The following AMOTL2 variants were observed in gnomAD, a reference collection of about 807,000 sequenced individuals.
AMOTL2 encodes angiomotin-like protein 2.
A neutral mutation model predicts 78.4 loss-of-function variants in AMOTL2; 33 were observed. The observed-to-expected ratio is 0.42, with a 90% CI of 0.32 to 0.56. AMOTL2 has a LOEUF of 0.56. Among genes scored for constraint, AMOTL2 ranks in the 20% least tolerant of loss-of-function variants. AMOTL2 has a pLI of 0.12. For synonymous variants in AMOTL2, 422 were observed against 428.8 expected (o/e 0.98, Z 0.20); for missense variants, 983 against 1,030.1 (o/e 0.95, Z 0.63).
chr3:134,357,579 A>C lies in AMOTL2; in HGVS notation c.*126T>G. 9.9e-7 allele frequency: 1 copy of C among 1,014,688 alleles called. No individual in the cohort carries two copies. Among genetic ancestry groups the C allele is most frequent in the Non-Finnish European group, 1.6e-6 (1 of 643,722 alleles). 62.9% of individuals were successfully genotyped at this position (1,014,688 alleles called of 1,614,324 possible). A position where few individuals can be genotyped will look rare whatever the true frequency, so the allele number is the denominator to read the frequency against. On this transcript the variant is annotated 3_prime_UTR_variant, in exon 10 of 10. Transcript: ENST00000249883. Reference sequence around the variant, plus strand: ...CTGAGCTCCTGGGACCAGATGGTCAATGGGAATGAGTGTCTGGCTGGGGAA... The same window carrying C: ...CTGAGCTCCTGGGACCAGATGGTCACTGGGAATGAGTGTCTGGCTGGGGAA...
Position 134,371,095 on chromosome 3 carries a change from G to T in AMOTL2, c.339C>A (p.His113Gln). The T allele has an allele frequency of 6.2e-7, 1 of 1,612,718 alleles. No individual in the cohort carries two copies. Among genetic ancestry groups the T allele is most frequent in the South Asian group, 1.1e-5 (1 of 90,620 alleles). ...CCTGCTGGGCCGCATAGTACTGCGA[G>T]TGGGCTTTGGCCTCCTCATAGGTGG... ...ELPTYEEAKA[H>Q]SQYYAAQQAG... The change falls in exon 2 of 10, where the codon CAC becomes CAA. Residue 113 changes from histidine to glutamine, a missense_variant. Physicochemically the swap from His to Gln is conservative, Grantham distance 24. Transcript: ENST00000249883.
chr3:134,374,209 G>GCGC, intron 1 of AMOTL2, 133 bp downstream of exon 1: 1 of 983,026 alleles, frequency 1.0e-6, no homozygotes, highest in Non-Finnish European at 1.2e-6. Flanking sequence ...AGGGCGCACT[G>GCGC]CGCCCCGAGG....
At position 134,357,605 on chromosome 3, in the gene AMOTL2, A is replaced by G. The variant is rs550519624; in HGVS notation, c.*100T>C. ...TGGGAATGAGTGTCTGGCTGGGGAA[A>G]GGGACGGAGCAGCGGTTGACGGGGC... is the stretch of plus-strand genomic sequence containing the variant. On this transcript the variant is annotated 3_prime_UTR_variant, in exon 10 of 10. Coordinates refer to ENST00000249883, the MANE Select transcript of AMOTL2 (RefSeq NM_016201.4). 13 of 1,225,270 alleles carry G rather than the reference A, an allele frequency of 1.1e-5. No individual in the cohort carries two copies. The South Asian group carries it at 1.2e-4, about 11-fold the overall frequency. The allele number at this position is 1,225,270 out of a possible 1,614,324, so 75.9% of individuals were successfully genotyped here. A position where few individuals can be genotyped will look rare whatever the true frequency, so the allele number is the denominator to read the frequency against.
chr3:134,369,551 A>G (rs2017764068), intron 2 of AMOTL2, among the ~76,000 whole-genome samples: 2 of 152,214 alleles, frequency 1.3e-5, no homozygotes, highest in African/African-American at 4.8e-5. Context: ...GAGGGGCGAT[A>G]AAGTGCGAGT....
At chr3:134,357,902 AAC>A (rs1414101892) in intron 9 of AMOTL2, 139 bp from the exon 10 acceptor site, 1 of 815,644 alleles carries the variant, frequency 1.2e-6, no homozygotes, top group African/African-American at 1.7e-5. Flanking sequence ...GAACTCGGCC[AAC>A]CAAGCACAAT....
At position 134,359,302 on chromosome 3, in the gene AMOTL2, G is replaced by T; in HGVS notation, c.2085C>A (p.Ala695=). Residue 695 remains alanine, a synonymous_variant, in exon 8 of 10, where the codon GCC becomes GCA. Transcript: ENST00000249883. ...LSSSERQTAD[A]PARLTTADRA... ...TCTTACCTGTAGTCAGCCGAGCAGG[G>T]GCGTCTGCTGTTTGTCGCTCACTAG... is the stretch of plus-strand genomic sequence containing the variant. 1 of 1,614,196 alleles carries T rather than the reference G, an allele frequency of 6.2e-7. No individual in the cohort carries two copies. Among genetic ancestry groups the T allele is most frequent in the South Asian group, 1.1e-5 (1 of 91,080 alleles).
chr3:134,362,992 T>G (rs2017440738), intron 5 of AMOTL2, among the ~76,000 whole-genome samples: 1 of 152,244 alleles, frequency 6.6e-6, no homozygotes, highest in Non-Finnish European at 1.5e-5. Flanking sequence ...CAGTGGCTAC[T>G]AGACACACGT....
At position 134,365,799 on chromosome 3, in the gene AMOTL2, A is replaced by T; in HGVS notation, c.1279+18T>A. 2 of 1,611,200 alleles carry T rather than the reference A, an allele frequency of 1.2e-6. No individual in the cohort carries two copies. Among genetic ancestry groups the T allele is most frequent in the Non-Finnish European group, 1.7e-6 (2 of 1,178,020 alleles). On this transcript the variant is annotated intron_variant, in intron 5 of 9. Coordinates refer to ENST00000249883, the MANE Select transcript of AMOTL2 (RefSeq NM_016201.4). Reference sequence around the variant, plus strand: ...TGCCTGCACACAGGCCAGGCTTCTTAGTGGGGCCCCTACTCACTCTGAGCA... The same window carrying T: ...TGCCTGCACACAGGCCAGGCTTCTTTGTGGGGCCCCTACTCACTCTGAGCA...
At chr3:134,374,531 TC>T (rs1559806596), upstream of AMOTL2, 1 of 985,346 alleles carries the variant, frequency 1.0e-6, no homozygotes. Context: ...AGTTTCAGGT[TC>T]CCCCTCGGGA....
At position 134,355,369 on chromosome 3, in the gene AMOTL2, T is replaced by C. The variant is rs1189301596; in HGVS notation, c.*2336A>G. Among the ~76,000 whole-genome samples, 2 of 152,246 alleles carry C rather than the reference T, an allele frequency of 1.3e-5. No homozygotes were observed. The highest frequency in any genetic ancestry group is 3.8e-4 in the East Asian group (2 of 5,198). On this transcript the variant is annotated 3_prime_UTR_variant, in exon 10 of 10. Coordinates refer to ENST00000249883, the MANE Select transcript of AMOTL2 (RefSeq NM_016201.4). Reference sequence around the variant, plus strand: ...GACTGAGAATGGCTTTCTTTAATTTTGAATTGGAGCAATATGCTTTCCTGA... The same window carrying C: ...GACTGAGAATGGCTTTCTTTAATTTCGAATTGGAGCAATATGCTTTCCTGA...
Position 134,360,107 on chromosome 3 carries a change from T to C in AMOTL2, c.1882A>G (p.Arg628Gly), listed in dbSNP as rs754633628. The C allele has an allele frequency of 6.2e-7, 1 of 1,601,784 alleles. No homozygotes were observed. The change falls in exon 7 of 10, where the codon AGG (arginine) becomes GGG (glycine). Residue 628 changes from arginine (R) to glycine (G), a missense_variant and splice_region_variant. Physicochemically the swap from Arg to Gly is moderately radical, Grantham distance 125. Transcript: ENST00000249883. ...GGTGCCTGGCCTGCAATGCCGAACC[T>C]GCTTTCCATCTCCTGATGCCTGTGG... The part of the protein sequence containing the change: ...GGHRHQEMES[R>G]LKVLHAQILE...
At chr3:134,358,464 A>G in intron 9 of AMOTL2, 76 bp downstream of exon 9, 1 of 1,506,202 alleles carries the variant, frequency 6.6e-7, no homozygotes, top group South Asian at 1.3e-5. Flanking sequence ...TGGGAAGAAA[A>G]GGCCTTGTGT....
At chr3:134,358,432 G>A (rs1025449758) in intron 9 of AMOTL2, 108 bp downstream of exon 9, 27 of 1,334,380 alleles carry the variant, frequency 2.0e-5, no homozygotes, top group South Asian at 3.0e-5. Context: ...CATGGAGTGC[G>A]GGCAATGACC....
intron 1 of AMOTL2, chr3:134,371,843 C>T: frequency 4.2e-6 from 1 of 235,390 alleles, no homozygotes; most frequent in Non-Finnish European, 8.4e-6. Context: ...ACTTACTATT[C>T]CTGGAGAGAG....
chr3:134,370,971 C>G lies in AMOTL2; in HGVS notation c.463G>C (p.Val155Leu), dbSNP rs374487700. 2 of 1,607,446 alleles carry G rather than the reference C, an allele frequency of 1.2e-6. No individual in the cohort carries two copies. The highest frequency in any genetic ancestry group is 1.7e-6 in the Non-Finnish European group (2 of 1,177,042). ...AGGAGCCGTTCACTCAACGAGCGCA[C>G]GTGCCCATGCCTCAGCTCCCGCAGG... ...EALRELRHGH[V>L]RSLSERLLQL... The change falls in exon 2 of 10, where the codon GTG becomes CTG. Residue 155 changes from valine to leucine, a missense_variant. Coordinates refer to ENST00000249883, the MANE Select transcript of AMOTL2 (RefSeq NM_016201.4).
In AMOTL2 at chr3:134,371,467, T is replaced by TGCCAGG; in HGVS notation, c.-35_-34insCCTGGC. On this transcript the variant is annotated 5_prime_UTR_variant, in exon 2 of 10. Transcript: ENST00000249883. The stretch of plus-strand genomic sequence containing the variant: ...GGCTTGCACACAGCTGCCTGGACAA[T>TGCCAGG]GGCCGGTGGCACCTGGCCCCAGAGC... 5 of 1,591,380 alleles carry TGCCAGG rather than the reference T, an allele frequency of 3.1e-6. No individual in the cohort carries two copies. The highest frequency in any genetic ancestry group is 4.3e-6 in the Non-Finnish European group (5 of 1,173,546).
In AMOTL2 at chr3:134,361,721, C is replaced by G. The variant is rs554840600; in HGVS notation, c.1366G>C (p.Glu456Gln). ...TTGCCCAGAGCCTGCTCCAGCAGCT[C>G]GGCACGCCGCCGCTGGTCCTCGATG... ...GAIEDQRRRA[E>Q]LLEQALGNAQ... The change falls in exon 6 of 10, where the codon GAG (glutamate) becomes CAG (glutamine). Residue 456 changes from glutamate to glutamine, a missense_variant. Coordinates refer to ENST00000249883, the MANE Select transcript of AMOTL2 (RefSeq NM_016201.4). 10 of 1,608,318 alleles carry G rather than the reference C, an allele frequency of 6.2e-6. 1 individual carries two copies. In the South Asian group the frequency reaches 1.1e-4, roughly 18 times the overall value.
At position 134,366,380 on chromosome 3, in the gene AMOTL2, G is replaced by A. The variant is rs750456904; in HGVS notation, c.1089C>T (p.Thr363=). 9.3e-6 allele frequency: 15 copies of A among 1,614,026 alleles called. No individual in the cohort carries two copies. The highest frequency in any genetic ancestry group is 1.3e-5 in the African/African-American group (1 of 75,040). The part of the protein sequence containing the change: ...QRLSEAHESL[T]RASSKREALE... ...GGGCCTCACGCTTGGAGGAGGCTCT[G>A]GTCAGGCTCTCATGGGCCTCAGAGA... The change falls in exon 4 of 10, where the codon ACC becomes ACT. Residue 363 remains threonine (T), a synonymous_variant. Coordinates refer to ENST00000249883, the MANE Select transcript of AMOTL2 (RefSeq NM_016201.4).
chr3:134,361,406 G>A, intron 6 of AMOTL2, 106 bp downstream of exon 6: 2 of 1,335,728 alleles, frequency 1.5e-6, no homozygotes, highest in South Asian at 1.5e-5. Flanking sequence ...ATCTAAGCAG[G>A]GGCTCCCGGG....
Sources: allele counts gnomAD v4.1 joint callset (sites outside exome capture counted in the v4.1 genomes callset), GRCh38; gene constraint gnomAD v4.1.1; transcripts MANE v1.5; gene names NCBI Gene and HGNC (gene_info 2026-07-23, HGNC 2026-07-21).